Variants in ELAVL4 observed in about 807,000 individuals in gnomAD.
The protein encoded by ELAVL4 is ELAV-like protein 4.
Under a neutral mutation model 35.6 loss-of-function variants are expected in ELAVL4, and 1 was observed. The ratio of observed to expected loss-of-function variants is 0.03; its 90% confidence interval spans 0.01 to 0.13. The LOEUF is 0.13. Among genes scored for constraint, ELAVL4 ranks in the 10% least tolerant of loss-of-function variants. The pLI, the probability that ELAVL4 is intolerant of heterozygous loss-of-function variation, is 1.00. For missense variants in ELAVL4, 267 were observed against 464.9 expected (o/e 0.57, Z 3.91); for synonymous variants, 156 against 171.0 (o/e 0.91, Z 0.69).
intron 1 of ELAVL4, among the ~76,000 whole-genome samples, chr1:50,142,639 A>G (rs1280015948): frequency 6.6e-6 from 1 of 152,208 alleles, no homozygotes; most frequent in Non-Finnish European, 1.5e-5. Context: ...GAGGATGTGG[A>G]GCAACTGGAA....
chr1:50,143,397 A>T (rs1363415327), intron 1 of ELAVL4, among the ~76,000 whole-genome samples: 2 of 152,320 alleles, frequency 1.3e-5, no homozygotes, highest in East Asian at 1.9e-4. Context: ...AATATGCTTC[A>T]TTGCCTTCTT....
At chr1:50,072,388 G>A (rs767674853) in intron 1 of ELAVL4, among the ~76,000 whole-genome samples, 6 of 152,226 alleles carry the variant, frequency 3.9e-5, no homozygotes, top group East Asian at 1.9e-4. Context: ...CTCTATGAAC[G>A]TGAACCCCCT....
intron 1 of ELAVL4, among the ~76,000 whole-genome samples, chr1:50,114,061 A>G (rs943849944): frequency 6.6e-6 from 1 of 152,138 alleles, no homozygotes; most frequent in Non-Finnish European, 1.5e-5. Context: ...TAAAAAATAT[A>G]TATTCAGACC....
At chr1:50,095,330 A>C (rs1408488078) in intron 1 of ELAVL4, among the ~76,000 whole-genome samples, 2 of 152,054 alleles carry the variant, frequency 1.3e-5, no homozygotes, top group African/African-American at 4.8e-5. Context: ...AATGAGGCCC[A>C]CCCTTCCCCC....
At chr1:50,061,943 G>A (rs1432890745) in intron 1 of ELAVL4, among the ~76,000 whole-genome samples, 2 of 152,170 alleles carry the variant, frequency 1.3e-5, no homozygotes, top group East Asian at 1.9e-4. Context: ...GTCTGTTTCT[G>A]GGTAGACCCA....
At chr1:50,067,294 G>A (rs935205765) in intron 1 of ELAVL4, among the ~76,000 whole-genome samples, 1 of 152,158 alleles carries the variant, frequency 6.6e-6, no homozygotes, top group Non-Finnish European at 1.5e-5. Context: ...GTATTCTTGA[G>A]GATTGAGGTA....
chr1:50,184,016 AAG>A (rs1230982476), intron 3 of ELAVL4, among the ~76,000 whole-genome samples: 2 of 152,162 alleles, frequency 1.3e-5, no homozygotes, highest in East Asian at 3.9e-4. Flanking sequence ...CCAGGGAGCC[AAG>A]AGAGAGCACG....
chr1:50,084,787 C>T (rs1190075230), intron 1 of ELAVL4, among the ~76,000 whole-genome samples: 3 of 152,128 alleles, frequency 2.0e-5, no homozygotes, highest in Non-Finnish European at 4.4e-5. Flanking sequence ...TAGGTTTTCC[C>T]TGAAAGTCTT....
chr1:50,151,960 G>A (rs1674866553), intron 2 of ELAVL4, among the ~76,000 whole-genome samples: 2 of 152,118 alleles, frequency 1.3e-5, no homozygotes, highest in Admixed American at 6.6e-5. Flanking sequence ...ACGTCAGAAC[G>A]TGTAGTGCAA....
chr1:50,135,489 T>A (rs1671736667), intron 1 of ELAVL4, among the ~76,000 whole-genome samples: 1 of 152,166 alleles, frequency 6.6e-6, no homozygotes, highest in Non-Finnish European at 1.5e-5. Context: ...ATGAATTATT[T>A]GTTTGCCTGC....
intron 2 of ELAVL4, among the ~76,000 whole-genome samples, chr1:50,167,012 A>G (rs1250920611): frequency 6.6e-6 from 1 of 152,188 alleles, no homozygotes; most frequent in Non-Finnish European, 1.5e-5. Context: ...TTGCTAGTGG[A>G]TCACTAGAGG....
chr1:50,048,181 A>G (rs1663166689), exon 1 of ELAVL4: 1 of 1,522,084 alleles, frequency 6.6e-7, no homozygotes, highest in Non-Finnish European at 8.8e-7. Context: ...CTCAAGAACC[A>G]GGTAGAAGCG....
At chr1:50,134,628 A>G (rs1671581153) in intron 1 of ELAVL4, among the ~76,000 whole-genome samples, 1 of 152,124 alleles carries the variant, frequency 6.6e-6, no homozygotes, top group Non-Finnish European at 1.5e-5. Context: ...AAATGCAAAC[A>G]TTTGTCTTTT....
Position 50,109,016 on chromosome 1 carries a change from C to CGGGGGGGGCGGG in ELAVL4, c.-174_-173insGGGGGGGGCGGG. 1 of 905,788 alleles carries CGGGGGGGGCGGG rather than the reference C, an allele frequency of 1.1e-6. No individual in the cohort carries two copies. Among genetic ancestry groups the CGGGGGGGGCGGG allele is most frequent in the South Asian group, 5.1e-5 (1 of 19,488 alleles). The allele number at this position is 905,788 out of a possible 1,614,324, so 56.1% of individuals were successfully genotyped here. A position where few individuals can be genotyped will look rare whatever the true frequency, so the allele number is the denominator to read the frequency against. On this transcript the variant is annotated 5_prime_UTR_variant, in exon 1 of 7. Transcript: ENST00000371824. ...CTCCTTTTCTTTTTTTTCTTTCTCT[C>CGGGGGGGGCGGG]CCCCGCCCACCCCCCCAAAAATAAT...
intron 3 of ELAVL4, among the ~76,000 whole-genome samples, chr1:50,185,628 G>A (rs1681700386): frequency 6.6e-6 from 1 of 152,188 alleles, no homozygotes; most frequent in Admixed American, 6.5e-5. Flanking sequence ...CTTACTTGTA[G>A]GGAATCGTAG....
intron 6 of ELAVL4, among the ~76,000 whole-genome samples, chr1:50,197,748 T>TTTGAATGGCTCCCCTAAGGGGAA (rs1644142948): frequency 6.6e-6 from 1 of 152,234 alleles, no homozygotes; most frequent in African/African-American, 2.4e-5. Context: ...AATCTGGTCC[T>TTTGAATGGCTCCCCTAAGGGGAA]TTGAATGGCT....
rs1372485126 is a variant in ELAVL4, at chr1:50,203,327, G to A, written c.*2149G>A. ...GTAGTAGTCGTTGTAGTGGTAGACAGATAACGAATACCAAGGCTGCATCAT... is the reference window on the plus strand; with the variant it reads ...GTAGTAGTCGTTGTAGTGGTAGACAAATAACGAATACCAAGGCTGCATCAT... On this transcript the variant is annotated 3_prime_UTR_variant, in exon 7 of 7. Transcript: ENST00000371824. 1 of 152,150 alleles carries A rather than the reference G, an allele frequency of 6.6e-6. No individual in the cohort carries two copies. The highest frequency in any genetic ancestry group is 1.5e-5 in the Non-Finnish European group (1 of 68,040). 9.4% of individuals were successfully genotyped at this position (152,150 alleles called of 1,614,324 possible).
intron 1 of ELAVL4, among the ~76,000 whole-genome samples, chr1:50,126,099 G>A (rs1252050479): frequency 1.3e-5 from 2 of 152,058 alleles, no homozygotes; most frequent in South Asian, 2.1e-4. Flanking sequence ...TGCATTTTAG[G>A]TATTGGTAAT....
chr1:50,156,556 G>A (rs563840733), intron 2 of ELAVL4, among the ~76,000 whole-genome samples: 1 of 152,322 alleles, frequency 6.6e-6, no homozygotes, highest in African/African-American at 2.4e-5. Context: ...GAAGGCAGGA[G>A]AATAGAATGG....
Sources: gnomAD v4.1 joint callset for allele counts (sites outside exome capture counted in the v4.1 genomes callset) on GRCh38, gnomAD v4.1.1 for gene constraint, MANE v1.5 for transcripts, NCBI Gene and HGNC (gene_info 2026-07-23, HGNC 2026-07-21) for gene names.